HFM1: variants seen among roughly 807,000 people sequenced by gnomAD.
HFM1 encodes the protein helicase for meiosis 1.
In HFM1, 169 loss-of-function variants were observed where a neutral mutation model predicts 192.1. The ratio of observed to expected loss-of-function variants is 0.88; its 90% CI spans 0.78 to 1.00. The LOEUF is 1.00. Among genes scored for constraint, HFM1 ranks in the 50% least tolerant of loss-of-function variants. The pLI is 0.00. For missense variants in HFM1, 1,661 were observed against 1,668.0 expected (o/e 1.00, Z 0.07); for synonymous variants, 525 against 537.8 (o/e 0.98, Z 0.33).
In HFM1 at chr1:91,262,501, G is replaced by C; in HGVS notation, c.4066C>G (p.Gln1356Glu). ...SASSMTKLPQ[Q>E]AGNAVIVHFQ... is the part of the protein sequence containing the mutation. ...CTTACAATAACTGCATTTCCGGCTT[G>C]TTGAGGTAATTTTGTCATGGAGGAT... is the stretch of plus-strand genomic sequence containing the variant. Residue 1356 changes from glutamine (Q) to glutamate (E), a missense_variant, in exon 37 of 39, where the codon CAA (glutamine) becomes GAA (glutamate). Transcript: ENST00000370425. 1.2e-6 allele frequency: 2 copies of C among 1,601,204 alleles called. No individual in the cohort carries two copies. Among genetic ancestry groups the C allele is most frequent in the Non-Finnish European group, 1.7e-6 (2 of 1,170,306 alleles).
chr1:91,393,957 G>A, intron 4 of HFM1, 136 bp downstream of exon 4: 1 of 529,474 alleles, frequency 1.9e-6, no homozygotes, highest in East Asian at 3.1e-5. Flanking sequence ...ACCAGGAATG[G>A]AGAAAGTAAG....
rs200915218 is a variant in HFM1, at chr1:91,385,567, G to A, written c.754+8C>T. The A allele has an allele frequency of 1.7e-5, 28 of 1,605,172 alleles. No homozygotes were observed. The highest frequency in any genetic ancestry group is 2.2e-5 in the Non-Finnish European group (26 of 1,174,442). ...CTCATAAAATGAACTGAAAAAGCAA[G>A]AAATTACCTTGAATATCATGAGGTT... On this transcript the variant is annotated splice_region_variant and intron_variant, in intron 5 of 38. Coordinates refer to ENST00000370425, the MANE Select transcript of HFM1 (RefSeq NM_001017975.6).
At chr1:91,302,537 T>C (rs1648952197) in intron 30 of HFM1, among the ~76,000 whole-genome samples, 1 of 152,128 alleles carries the variant, frequency 6.6e-6, no homozygotes, top group African/African-American at 2.4e-5. Context: ...CCAACCCAAA[T>C]GTCCAACAAT....
At chr1:91,292,175 C>G (rs1668840474) in intron 30 of HFM1, among the ~76,000 whole-genome samples, 1 of 151,048 alleles carries the variant, frequency 6.6e-6, no homozygotes, top group African/African-American at 2.4e-5. Flanking sequence ...CACTCCTATT[C>G]AACATAGTGT....
In HFM1 at chr1:91,400,899, T is replaced by C. The variant is rs989228612; in HGVS notation, c.71+113A>G. 30 of 538,044 alleles carry C rather than the reference T, an allele frequency of 5.6e-5. No individual in the cohort carries two copies. The Admixed American group carries it at 1.2e-3, about 21-fold the overall frequency. The allele number at this position is 538,044 out of a possible 1,614,324, so 33.3% of individuals were successfully genotyped here. On this transcript the variant is annotated intron_variant, in intron 2 of 38. Coordinates refer to ENST00000370425, the MANE Select transcript of HFM1 (RefSeq NM_001017975.6). ...CAAATATGTAACTGAAATATCGTTCTGTTGATTCCTCATTTTTATTTGTAT... is the reference window on the plus strand; with the variant it reads ...CAAATATGTAACTGAAATATCGTTCCGTTGATTCCTCATTTTTATTTGTAT...
rs1334385856 is a variant in HFM1, at chr1:91,276,976, A to G, written c.3472+6T>C. On this transcript the variant is annotated splice_donor_region_variant and intron_variant, in intron 31 of 38. Transcript: ENST00000370425. ...ACTTTAAATAAACTTGTTTTAAGGA[A>G]CTCACAGCAGTCATGTCCACATGTA... 3 of 1,545,666 alleles carry G rather than the reference A, an allele frequency of 1.9e-6. No individual in the cohort carries two copies. The highest frequency in any genetic ancestry group is 2.6e-6 in the Non-Finnish European group (3 of 1,136,416).
At chr1:91,314,480 ACT>A (rs1650919135) in intron 28 of HFM1, among the ~76,000 whole-genome samples, 1 of 151,702 alleles carries the variant, frequency 6.6e-6, no homozygotes, top group African/African-American at 2.4e-5. Flanking sequence ...CTGGTCTGAA[ACT>A]CTGGGCTTTA....
At chr1:91,386,875 T>C (rs989632888) in intron 4 of HFM1, among the ~76,000 whole-genome samples, 6 of 152,180 alleles carry the variant, frequency 3.9e-5, no homozygotes, top group African/African-American at 1.4e-4. Flanking sequence ...AAATCAGCAT[T>C]GTGTATCCCC....
chr1:91,366,331 T>C (rs1659307552), intron 13 of HFM1, among the ~76,000 whole-genome samples: 1 of 152,166 alleles, frequency 6.6e-6, no homozygotes, highest in African/African-American at 2.4e-5. Flanking sequence ...GCACAAAGAA[T>C]TCCGTAAGTC....
chr1:91,364,884 C>T (rs540437063), intron 13 of HFM1, among the ~76,000 whole-genome samples: 6 of 151,626 alleles, frequency 4.0e-5, no homozygotes, highest in Admixed American at 2.6e-4. Flanking sequence ...TCGCCTGCCT[C>T]GGCCTCCCAA....
At chr1:91,347,781 TAAC>T (rs996319715) in intron 18 of HFM1, among the ~76,000 whole-genome samples, 3 of 152,182 alleles carry the variant, frequency 2.0e-5, no homozygotes, top group African/African-American at 7.2e-5. Flanking sequence ...TGTTTGGTAA[TAAC>T]AACCATTTTG....
intron 20 of HFM1, chr1:91,338,874 C>A (rs892807439): frequency 2.0e-5 from 9 of 455,090 alleles, no homozygotes; most frequent in African/African-American, 1.0e-4. Context: ...GAGTGCGTAA[C>A]CTTCTGCCAC....
rs1419371796 is a variant in HFM1 at position 91,396,412 on chromosome 1, A to G, written c.72-7T>C. On this transcript the variant is annotated splice_region_variant and splice_polypyrimidine_tract_variant and intron_variant, in intron 2 of 38. Coordinates refer to ENST00000370425, the MANE Select transcript of HFM1 (RefSeq NM_001017975.6). ...CTTTTCATTGTCTGGATGGCTATAT[A>G]AAATATAAAAATGTGAGTATATATG... 14 of 1,386,622 alleles carry G rather than the reference A, an allele frequency of 1.0e-5. No individual in the cohort carries two copies. 85.9% of individuals were successfully genotyped at this position (1,386,622 alleles called of 1,614,324 possible).
At chr1:91,318,916 G>A (rs1267303584) in intron 25 of HFM1, among the ~76,000 whole-genome samples, 162 bp downstream of exon 25, 1 of 152,116 alleles carries the variant, frequency 6.6e-6, no homozygotes, top group Non-Finnish European at 1.5e-5. Context: ...CTTTAAGCAG[G>A]AGCAAAGGAA....
At chr1:91,403,385 A>G (rs1310729965) in intron 1 of HFM1, among the ~76,000 whole-genome samples, 1 of 152,154 alleles carries the variant, frequency 6.6e-6, no homozygotes, top group Non-Finnish European at 1.5e-5. Flanking sequence ...AAAAATGTGA[A>G]ATTTTTTTCT....
chr1:91,358,694 A>T (rs1658069982), intron 13 of HFM1, among the ~76,000 whole-genome samples: 1 of 152,228 alleles, frequency 6.6e-6, no homozygotes, highest in East Asian at 1.9e-4. Flanking sequence ...CTCCCAGAAG[A>T]GAACATAGGG....
chr1:91,341,311 A>C (rs980325351), intron 20 of HFM1, among the ~76,000 whole-genome samples: 5 of 152,238 alleles, frequency 3.3e-5, no homozygotes, highest in Non-Finnish European at 7.3e-5. Context: ...CATGGAAATT[A>C]AACAACATGC....
chr1:91,300,219 C>A (rs1349846945), intron 30 of HFM1, among the ~76,000 whole-genome samples: 1 of 151,524 alleles, frequency 6.6e-6, no homozygotes. Flanking sequence ...ATACACCCTC[C>A]CAAGACTAAA....
intron 9 of HFM1, 109 bp downstream of exon 9, chr1:91,378,954 T>C (rs1661235025): frequency 3.3e-6 from 2 of 606,670 alleles, no homozygotes; most frequent in Non-Finnish European, 5.4e-6. Context: ...TTTGTTTGCA[T>C]TGTAAATATA....
Sources: allele counts gnomAD v4.1 joint callset (sites outside exome capture counted in the v4.1 genomes callset), GRCh38; gene constraint gnomAD v4.1.1; transcripts MANE v1.5; gene names NCBI Gene and HGNC (gene_info 2026-07-23, HGNC 2026-07-21).